Variants in MYCBP2 observed in about 807,000 individuals in gnomAD.
MYCBP2 encodes MYC binding protein 2, also known as E3 ubiquitin-protein ligase MYCBP2.
Under a neutral mutation model 525.3 loss-of-function variants are expected in MYCBP2, and 120 were observed. The ratio of observed to expected loss-of-function variants is 0.23; its 90% CI spans 0.20 to 0.27. The LOEUF (loss-of-function observed/expected upper bound fraction) is 0.27. Ranked by LOEUF, MYCBP2 falls within the 10% of genes least tolerant of loss-of-function variation. The pLI, the probability that MYCBP2 is intolerant of heterozygous loss-of-function variation, is 1.00. For synonymous variants in MYCBP2, 1,894 were observed against 1,955.8 expected (o/e 0.97, Z 0.83); for missense variants, 4,149 against 5,657.1 (o/e 0.73, Z 8.55).
In MYCBP2 at chr13:77,217,971, A is replaced by C; in HGVS notation, c.2940-14T>G. On this transcript the variant is annotated splice_polypyrimidine_tract_variant and intron_variant, in intron 20 of 82. Transcript: ENST00000544440. The stretch of plus-strand genomic sequence containing the variant: ...GTGGGACATCCCCTAGGTTAAAAAA[A>C]AAAAAAGTAAGTCAATTTCTTACAA... The C allele has an allele frequency of 6.5e-7, 1 of 1,536,080 alleles. No homozygotes were observed. The highest frequency in any genetic ancestry group is 1.4e-5 in the African/African-American group (1 of 71,336).
At chr13:77,233,368 C>T (rs1036942785) in intron 17 of MYCBP2, 105 bp from the exon 18 acceptor site, 19 of 890,268 alleles carry the variant, frequency 2.1e-5, no homozygotes, top group East Asian at 1.1e-4. Context: ...TTATTCTTAA[C>T]GGTTTTGGAC....
intron 55 of MYCBP2, among the ~76,000 whole-genome samples, chr13:77,107,195 G>A (rs1779696716): frequency 6.6e-6 from 1 of 151,994 alleles, no homozygotes; most frequent in Admixed American, 6.6e-5. Context: ...AGATATTTTT[G>A]ACAGCAATAG....
Position 77,273,637 on chromosome 13 carries a change from G to A in MYCBP2, c.780C>T (p.Thr260=), listed in dbSNP as rs763597190. The A allele has an allele frequency of 6.4e-6, 10 of 1,558,000 alleles. No homozygotes were observed. The highest frequency in any genetic ancestry group is 8.6e-6 in the Non-Finnish European group (10 of 1,157,680). ...TGTCATTCATCCCAGTACTTCGAAC[G>A]GTGATTTCCAAAAGAAGCTGGAAGA... ...ESLFQLLLEI[T]VRSTGMNDST... Residue 260 remains threonine (T), a synonymous_variant, in exon 5 of 83, where the codon ACC becomes ACT. Transcript: ENST00000544440.
In MYCBP2 at chr13:77,098,488, G is replaced by A. The variant is rs752726861; in HGVS notation, c.8666C>T (p.Thr2889Ile). The change falls in exon 56 of 83, where the codon ACA (threonine) becomes ATA (isoleucine). Residue 2889 changes from threonine to isoleucine, a missense_variant. Thr to Ile is a moderately conservative substitution (Grantham distance 89). This residue lies in a region of MYCBP2 where 653 missense variants were observed against 744.7 expected (regional missense o/e 0.88). Transcript: ENST00000544440. ...DTLRKKKMPL[T>I]EPLRGRSTSP... ...CGTTGACCGTCCTCTCAAAGGTTCT[G>A]TGAGGGGCATTTTCTTCTTGCGGAG... 14 of 1,613,750 alleles carry A rather than the reference G, an allele frequency of 8.7e-6. No homozygotes were observed. Among genetic ancestry groups the A allele is most frequent in the African/African-American group, 1.3e-5 (1 of 75,014 alleles).
chr13:77,193,069 C>T (rs1430160637), intron 27 of MYCBP2, among the ~76,000 whole-genome samples: 4 of 152,098 alleles, frequency 2.6e-5, no homozygotes, highest in Non-Finnish European at 4.4e-5. Context: ...GCAGAGGTTG[C>T]AGTGAGTTGA....
intron 48 of MYCBP2, among the ~76,000 whole-genome samples, chr13:77,145,738 C>A (rs1166996501): frequency 6.6e-6 from 1 of 151,810 alleles, no homozygotes; most frequent in East Asian, 1.9e-4. Flanking sequence ...CTGAAGTTAA[C>A]AGAATTACTT....
At position 77,099,001 on chromosome 13, in the gene MYCBP2, T is replaced by C; in HGVS notation, c.8153A>G (p.Asn2718Ser). The change falls in exon 56 of 83, where the codon AAC becomes AGC. Residue 2718 changes from asparagine (N) to serine (S), a missense_variant. Around this residue, in one of 21 missense-constraint regions of MYCBP2, gnomAD observed 653 missense variants for 744.7 expected, o/e 0.88. Coordinates refer to ENST00000544440, the MANE Select transcript of MYCBP2 (RefSeq NM_015057.5). ...GGCTGGTTTAGAAGATGTTGAGATG[T>C]TTCCTCGATCACCTGTATGGTCCAT... ...GLGNSKGDRG[N>S]ISTSSKPAST... 6.2e-7 allele frequency: 1 copy of C among 1,606,306 alleles called. No individual in the cohort carries two copies. Among genetic ancestry groups the C allele is most frequent in the Non-Finnish European group, 8.5e-7 (1 of 1,179,248 alleles).
intron 55 of MYCBP2, among the ~76,000 whole-genome samples, chr13:77,105,428 A>G (rs1251078783): frequency 6.6e-6 from 1 of 152,132 alleles, no homozygotes; most frequent in African/African-American, 2.4e-5. Flanking sequence ...AAGTCTAAAA[A>G]AGGTTAAGTG....
intron 14 of MYCBP2, among the ~76,000 whole-genome samples, chr13:77,255,385 T>C (rs563392320): frequency 1.3e-5 from 2 of 151,954 alleles, no homozygotes; most frequent in Non-Finnish European, 2.9e-5. Context: ...AAAAATCTTT[T>C]AACAATTTTA....
rs2035344923 is a variant in MYCBP2, at chr13:77,045,365, G to C, written c.*13C>G. ...GGCAATTTTTCTCTCTGTAGACAAAGGATCTGCGTGTTCTAAAAAGTGTGG... is the reference window on the plus strand; with the variant it reads ...GGCAATTTTTCTCTCTGTAGACAAACGATCTGCGTGTTCTAAAAAGTGTGG... On this transcript the variant is annotated 3_prime_UTR_variant, in exon 83 of 83. Coordinates refer to ENST00000544440, the MANE Select transcript of MYCBP2 (RefSeq NM_015057.5). 6.3e-7 allele frequency: 1 copy of C among 1,595,886 alleles called. No individual in the cohort carries two copies. Among genetic ancestry groups the C allele is most frequent in the Non-Finnish European group, 8.6e-7 (1 of 1,164,992 alleles).
intron 51 of MYCBP2, among the ~76,000 whole-genome samples, 153 bp from the exon 52 acceptor site, chr13:77,139,489 G>A (rs1334475416): frequency 6.6e-6 from 1 of 150,680 alleles, no homozygotes; most frequent in Non-Finnish European, 1.5e-5. Context: ...ACCCTCCAGG[G>A]AAAAAAAAAG....
intron 30 of MYCBP2, among the ~76,000 whole-genome samples, 160 bp from the exon 31 acceptor site, chr13:77,186,223 T>C (rs1465606549): frequency 2.6e-5 from 4 of 152,210 alleles, no homozygotes; most frequent in African/African-American, 9.6e-5. Context: ...GACACTTTTA[T>C]AGTTCATTTA....
At chr13:77,315,974 T>C (rs1191223341) in intron 1 of MYCBP2, among the ~76,000 whole-genome samples, 1 of 151,594 alleles carries the variant, frequency 6.6e-6, no homozygotes, top group East Asian at 1.9e-4. Flanking sequence ...TATCTTCAAA[T>C]TGATAGAGGC....
intron 43 of MYCBP2, among the ~76,000 whole-genome samples, chr13:77,162,648 C>A (rs1291033776): frequency 6.6e-6 from 1 of 152,126 alleles, no homozygotes; most frequent in South Asian, 2.1e-4. Context: ...TTCAACCACA[C>A]ATAAACATAC....
chr13:77,189,948 A>G (rs942442161), intron 29 of MYCBP2, among the ~76,000 whole-genome samples: 18 of 152,114 alleles, frequency 1.2e-4, no homozygotes, highest in Non-Finnish European at 2.5e-4. Context: ...CTTTTACAAC[A>G]TTTGAAATTA....
chr13:77,178,085 T>C, intron 34 of MYCBP2, 131 bp from the exon 35 acceptor site: 1 of 628,426 alleles, frequency 1.6e-6, no homozygotes, highest in Non-Finnish European at 2.8e-6. Context: ...AGGTATGTTC[T>C]ACTGAGAGAT....
intron 62 of MYCBP2, among the ~76,000 whole-genome samples, chr13:77,085,836 T>G (rs1206952420): frequency 6.6e-6 from 1 of 152,142 alleles, no homozygotes; most frequent in Non-Finnish European, 1.5e-5. Context: ...TTGCTGCAAT[T>G]GCCAACCCAC....
intron 57 of MYCBP2, 78 bp downstream of exon 57, chr13:77,096,234 G>A (rs2046237150): frequency 6.0e-6 from 8 of 1,337,162 alleles, no homozygotes; most frequent in Non-Finnish European, 8.2e-6. Context: ...ATTATCTGAT[G>A]TAGTAAGATT....
intron 17 of MYCBP2, 57 bp from the exon 18 acceptor site, chr13:77,233,320 A>C: frequency 8.0e-7 from 1 of 1,256,558 alleles, no homozygotes; most frequent in Non-Finnish European, 1.2e-6. Context: ...AAACACTATA[A>C]TGAACAAAAA....
Sources: allele counts gnomAD v4.1 joint callset (sites outside exome capture counted in the v4.1 genomes callset), GRCh38; gene constraint gnomAD v4.1.1; regional missense constraint gnomAD v4.1.1; transcripts MANE v1.5; gene names NCBI Gene and HGNC (gene_info 2026-07-23, HGNC 2026-07-21).